Variants in PTPRK observed in about 807,000 individuals in gnomAD.
The protein encoded by PTPRK is protein tyrosine phosphatase receptor type K.
PTPRK carries 75 observed loss-of-function variants against 178.0 expected under a neutral mutation model. The ratio of observed to expected loss-of-function variants is 0.42; its 90% CI spans 0.35 to 0.51. The LOEUF (loss-of-function observed/expected upper bound fraction) is 0.51. PTPRK is among the 20% of genes least tolerant of loss of function. PTPRK has a pLI of 0.02. For missense variants in PTPRK, 1,441 were observed against 1,797.8 expected (o/e 0.80, Z 3.59); for synonymous variants, 637 against 620.6 (o/e 1.03, Z -0.39).
intron 7 of PTPRK, among the ~76,000 whole-genome samples, chr6:128,176,847 A>G (rs1583339906): frequency 1.3e-5 from 2 of 151,690 alleles, no homozygotes; most frequent in African/African-American, 4.8e-5. Context: ...TCATCCATAT[A>G]TCATTTTTTT....
intron 6 of PTPRK, among the ~76,000 whole-genome samples, chr6:128,217,768 G>A (rs1809616326): frequency 6.6e-6 from 1 of 151,870 alleles, no homozygotes; most frequent in African/African-American, 2.4e-5. Context: ...CCCTACTTGG[G>A]CAACTTTCTC....
chr6:128,322,427 C>T (rs1828932438), intron 2 of PTPRK, 117 bp from the exon 3 acceptor site: 14 of 989,058 alleles, frequency 1.4e-5, no homozygotes, highest in Non-Finnish European at 2.1e-5. Flanking sequence ...AGACTGTTTT[C>T]CAGAACACAG....
At chr6:128,432,194 C>T (rs1332067232) in intron 1 of PTPRK, among the ~76,000 whole-genome samples, 1 of 152,176 alleles carries the variant, frequency 6.6e-6, no homozygotes, top group African/African-American at 2.4e-5. Context: ...AAACACTGCA[C>T]CTCATTTACA....
At chr6:128,303,159 C>G (rs568516575) in intron 3 of PTPRK, among the ~76,000 whole-genome samples, 5 of 152,360 alleles carry the variant, frequency 3.3e-5, no homozygotes, top group South Asian at 2.1e-4. Flanking sequence ...ACTGACTTCA[C>G]TCAATCTGCA....
chr6:128,101,753 C>T (rs942057123), intron 7 of PTPRK, among the ~76,000 whole-genome samples: 1 of 152,084 alleles, frequency 6.6e-6, no homozygotes, highest in Non-Finnish European at 1.5e-5. Context: ...CTCCCAATGC[C>T]CTATACTCCT....
chr6:128,520,576 T>C lies in PTPRK; in HGVS notation c.-218A>G, dbSNP rs1858910823. 1 of 547,476 alleles carries C rather than the reference T, an allele frequency of 1.8e-6. No homozygotes were observed. Among genetic ancestry groups the C allele is most frequent in the Non-Finnish European group, 3.3e-6 (1 of 302,838 alleles). The allele number at this position is 547,476 out of a possible 1,614,324, so 33.9% of individuals were successfully genotyped here. On this transcript the variant is annotated 5_prime_UTR_variant, in exon 1 of 30. Coordinates refer to ENST00000368226, the MANE Select transcript of PTPRK (RefSeq NM_002844.4). ...CGGCCGCGGCGGCAGCTCTCCATGC[T>C]CGGCGGAGGCTGCTCCTGTTAGTCA...
chr6:128,097,789 TAAG>T (rs531161278), intron 7 of PTPRK, among the ~76,000 whole-genome samples: 46 of 152,142 alleles, frequency 3.0e-4, no homozygotes, highest in African/African-American at 1.0e-3. Flanking sequence ...TAGAAGAAAA[TAAG>T]AAGAGAATAA....
intron 4 of PTPRK, among the ~76,000 whole-genome samples, chr6:128,242,318 T>C (rs975879572): frequency 2.0e-5 from 3 of 152,222 alleles, no homozygotes; most frequent in African/African-American, 4.8e-5. Context: ...CTAATAGGTA[T>C]ACAATTAGTT....
chr6:128,354,396 C>T (rs966214858), intron 2 of PTPRK, among the ~76,000 whole-genome samples: 13 of 151,690 alleles, frequency 8.6e-5, no homozygotes, highest in Admixed American at 2.0e-4. Flanking sequence ...CACCACCGCC[C>T]GGCTAATTTC....
intron 2 of PTPRK, among the ~76,000 whole-genome samples, chr6:128,376,727 T>C (rs1046030080): frequency 1.6e-4 from 25 of 152,292 alleles, no homozygotes; most frequent in African/African-American, 5.8e-4. Context: ...ACTGAACACC[T>C]TTAACAGCAC....
At chr6:128,182,433 G>T (rs1802060767) in intron 7 of PTPRK, among the ~76,000 whole-genome samples, 1 of 152,068 alleles carries the variant, frequency 6.6e-6, no homozygotes, top group Non-Finnish European at 1.5e-5. Context: ...AATTAGCTGG[G>T]CATGGTAGCG....
chr6:128,474,665 G>A (rs1042672363), intron 1 of PTPRK, among the ~76,000 whole-genome samples: 5 of 152,082 alleles, frequency 3.3e-5, no homozygotes, highest in African/African-American at 4.8e-5. Flanking sequence ...GAAGCAAGAA[G>A]GGAAATACCT....
At chr6:128,452,834 T>C (rs1319718305) in intron 1 of PTPRK, among the ~76,000 whole-genome samples, 9 of 152,160 alleles carry the variant, frequency 5.9e-5, no homozygotes, top group Non-Finnish European at 1.0e-4. Context: ...AACCTTAAAT[T>C]GGCTTCCGGA....
chr6:128,130,822 T>C (rs113246749), intron 7 of PTPRK, among the ~76,000 whole-genome samples: 3,876 of 151,322 alleles, frequency 0.026, 76 homozygotes, highest in Middle Eastern at 0.095. Context: ...CATTAAGGAA[T>C]AAGGAAGTAC....
At chr6:128,281,872 T>C (rs1821729501) in intron 3 of PTPRK, among the ~76,000 whole-genome samples, 1 of 152,148 alleles carries the variant, frequency 6.6e-6, no homozygotes, top group Non-Finnish European at 1.5e-5. Context: ...TTAATCTATC[T>C]TTACGTATTT....
At chr6:128,223,622 T>C (rs1280942104) in intron 5 of PTPRK, among the ~76,000 whole-genome samples, 4 of 152,166 alleles carry the variant, frequency 2.6e-5, no homozygotes, top group African/African-American at 9.7e-5. Flanking sequence ...ATAACAAAAT[T>C]AACAGTCATA....
rs1272112905 is a variant in PTPRK, at chr6:128,377,173, T to A, written c.223+20393A>T. On this transcript the variant is annotated intron_variant, in intron 2 of 29. Transcript: ENST00000368226. ...TTACTGTATTAGTCCATTTTCACACTGCTGATAAAGATGTAACGTACCTGA... is the reference window on the plus strand; with the variant it reads ...TTACTGTATTAGTCCATTTTCACACAGCTGATAAAGATGTAACGTACCTGA... Among the ~76,000 whole-genome samples the A allele has an allele frequency of 2.0e-5, 3 of 152,158 alleles. No individual in the cohort carries two copies. The East Asian group carries it at 5.8e-4, about 29-fold the overall frequency.
intron 6 of PTPRK, among the ~76,000 whole-genome samples, chr6:128,190,797 C>T (rs1027113710): frequency 6.6e-6 from 1 of 152,104 alleles, no homozygotes; most frequent in African/African-American, 2.4e-5. Context: ...CCAGGCCTGG[C>T]CTGGAGACCT....
intron 2 of PTPRK, among the ~76,000 whole-genome samples, chr6:128,384,235 G>T (rs765428659): frequency 6.6e-6 from 1 of 152,080 alleles, no homozygotes; most frequent in Admixed American, 6.6e-5. Context: ...TGTTCCACAC[G>T]CACGATAGTC....
Sources: gnomAD v4.1 joint callset for allele counts (sites outside exome capture counted in the v4.1 genomes callset) on GRCh38, gnomAD v4.1.1 for gene constraint, MANE v1.5 for transcripts, NCBI Gene and HGNC (gene_info 2026-07-23, HGNC 2026-07-21) for gene names.